The following ITSN1 variants were observed in gnomAD, a reference collection of about 807,000 sequenced individuals.
The protein encoded by ITSN1 is intersectin-1.
ITSN1 carries 58 observed loss-of-function variants against 239.8 expected under a neutral mutation model. The observed-to-expected ratio is 0.24, with a 90% CI of 0.20 to 0.30. The LOEUF (loss-of-function observed/expected upper bound fraction) is 0.30, where lower values mean the gene tolerates loss of function less well. Ranked by LOEUF, ITSN1 falls within the 10% of genes least tolerant of loss-of-function variation. The pLI is 1.00. For synonymous variants in ITSN1, 780 were observed against 770.8 expected, an observed-to-expected ratio of 1.01 and a Z score of -0.20; for missense variants, 1,558 against 2,103.3, an observed-to-expected ratio of 0.74 and a Z score of 5.07.
intron 39 of ITSN1, among the ~76,000 whole-genome samples, chr21:33,887,765 T>C (rs925713697): frequency 1.3e-5 from 2 of 151,920 alleles, no homozygotes; most frequent in African/African-American, 2.4e-5. Flanking sequence ...ACCACCATGC[T>C]AGGCTAATTT....
intron 25 of ITSN1, 43 bp downstream of exon 25, chr21:33,823,696 A>T: frequency 6.4e-7 from 1 of 1,570,364 alleles, no homozygotes; most frequent in Non-Finnish European, 8.7e-7. Flanking sequence ...CTGTGCGGTG[A>T]TTCTCTTTGT....
chr21:33,642,888 C>A (rs559535098), intron 1 of ITSN1, among the ~76,000 whole-genome samples, 175 bp downstream of exon 1: 1 of 151,424 alleles, frequency 6.6e-6, no homozygotes, highest in Non-Finnish European at 1.5e-5. Context: ...AGCGGCTGCC[C>A]CTCTGCCTTG....
At chr21:33,828,227 G>A (rs1387421164) in intron 26 of ITSN1, among the ~76,000 whole-genome samples, 1 of 152,262 alleles carries the variant, frequency 6.6e-6, no homozygotes, top group Non-Finnish European at 1.5e-5. Context: ...AGAACATCCA[G>A]TGCCAAATAG....
chr21:33,734,997 T>C (rs762496973), intron 4 of ITSN1, 47 bp from the exon 5 acceptor site: 1 of 1,543,952 alleles, frequency 6.5e-7, no homozygotes, highest in Non-Finnish European at 8.7e-7. Context: ...TTTGGAAAGG[T>C]TCTTTTATGG....
At chr21:33,718,210 G>C (rs897276297) in intron 1 of ITSN1, among the ~76,000 whole-genome samples, 7 of 152,160 alleles carry the variant, frequency 4.6e-5, no homozygotes, top group Admixed American at 3.9e-4. Context: ...AAATTACCTA[G>C]TATAATGTGT....
intron 8 of ITSN1, among the ~76,000 whole-genome samples, chr21:33,756,327 A>G (rs2067914209): frequency 6.6e-6 from 1 of 151,588 alleles, no homozygotes; most frequent in African/African-American, 2.4e-5. Flanking sequence ...AAAGAAAAGC[A>G]TAACTTTAAT....
intron 37 of ITSN1, 83 bp downstream of exon 37, chr21:33,885,206 A>G (rs755078668): frequency 3.4e-5 from 42 of 1,233,426 alleles, no homozygotes; most frequent in Non-Finnish European, 4.7e-5. Context: ...CTCAGAATAG[A>G]AGAATCCCCT....
chr21:33,893,777 T>G lies in ITSN1; in HGVS notation c.*5477T>G, dbSNP rs946027782. ...GAATTCCTGTTTCCTCAGCCTGCAC[T>G]GTATCAGATCCAGGATATGTCTGCA... On this transcript the variant is annotated 3_prime_UTR_variant, in exon 40 of 40. Coordinates refer to ENST00000381318, the MANE Select transcript of ITSN1 (RefSeq NM_003024.3). 3 of 152,184 alleles carry G rather than the reference T, an allele frequency of 2.0e-5. No individual in the cohort carries two copies. The highest frequency in any genetic ancestry group is 6.5e-5 in the Admixed American group (1 of 15,272). The allele number at this position is 152,184 out of a possible 1,614,324, so 9.4% of individuals were successfully genotyped here. A position where few individuals can be genotyped will look rare whatever the true frequency, so the allele number is the denominator to read the frequency against.
At position 33,750,298 on chromosome 21, in the gene ITSN1, C is replaced by T. The variant is rs750145035; in HGVS notation, c.502C>T (p.Pro168Ser). 4.3e-6 allele frequency: 7 copies of T among 1,613,262 alleles called. No individual in the cohort carries two copies. The South Asian group carries it at 6.6e-5, about 15-fold the overall frequency. ...TAACGGGGCTCCCCCTGTTATACAA[C>T]CTCTGCCTGCATTTGCTCATCCTGG... ...LANGAPPVIQ[P>S]LPAFAHPAAT... Residue 168 changes from proline to serine, a missense_variant, in exon 6 of 40, where the codon CCT (proline) becomes TCT (serine). Physicochemically the swap from Pro to Ser is moderately conservative, Grantham distance 74. Coordinates refer to ENST00000381318, the MANE Select transcript of ITSN1 (RefSeq NM_003024.3).
chr21:33,725,672 A>G (rs977707156), intron 4 of ITSN1, among the ~76,000 whole-genome samples: 7 of 152,208 alleles, frequency 4.6e-5, no homozygotes, highest in Non-Finnish European at 7.3e-5. Context: ...TATAATGACT[A>G]TGTATATTAA....
At position 33,856,751 on chromosome 21, in the gene ITSN1, A is replaced by G. The variant is rs527375628; in HGVS notation, c.3677A>G (p.His1226Arg). 6.2e-7 allele frequency: 1 copy of G among 1,614,042 alleles called. No homozygotes were observed. Among genetic ancestry groups the G allele is most frequent in the South Asian group, 1.1e-5 (1 of 91,082 alleles). ...DPSQQWCSDL[H>R]LLDMLTPTER... The stretch of plus-strand genomic sequence containing the variant: ...TGTTTTCCAGGGTGTTCAGACTTAC[A>G]TCTCTTGGATATGTTGACCCCAACT... Residue 1226 changes from histidine (H) to arginine (R), a missense_variant, in exon 30 of 40, where the codon CAT becomes CGT. Transcript: ENST00000381318.
intron 33 of ITSN1, among the ~76,000 whole-genome samples, chr21:33,872,466 T>C (rs13339976): frequency 0.37 from 56,633 of 152,152 alleles, 11,180 homozygotes; most frequent in East Asian, 0.51. Flanking sequence ...AAGCAATGTA[T>C]GAAATAGTAC....
chr21:33,676,384 A>C (rs1022842293), intron 1 of ITSN1, among the ~76,000 whole-genome samples: 1 of 150,868 alleles, frequency 6.6e-6, no homozygotes, highest in Non-Finnish European at 1.5e-5. Flanking sequence ...CTTCTACAAC[A>C]CTTTCTCTTT....
rs1269861454 is a variant in ITSN1 at position 33,712,567 on chromosome 21, C to CT, written c.-32-6227dup. Among the ~76,000 whole-genome samples, 3 of 152,228 alleles carry CT rather than the reference C, an allele frequency of 2.0e-5. 1 individual carries two copies. ...TCTTTCCTCTCTGGTTTTCCCCACA[C>CT]TTTACAGCCCACAGGTGCCTTTTTC... is the stretch of plus-strand genomic sequence containing the variant. On this transcript the variant is annotated intron_variant, in intron 1 of 39. Transcript: ENST00000381318.
intron 8 of ITSN1, among the ~76,000 whole-genome samples, chr21:33,757,954 G>A (rs2068037463): frequency 6.6e-6 from 1 of 152,058 alleles, no homozygotes; most frequent in Non-Finnish European, 1.5e-5. Flanking sequence ...GTAGCTCACT[G>A]CAGCCTTGAA....
chr21:33,732,718 T>C (rs2066264493), intron 4 of ITSN1, among the ~76,000 whole-genome samples: 2 of 152,156 alleles, frequency 1.3e-5, no homozygotes, highest in South Asian at 4.1e-4. Context: ...TAAGAACTTG[T>C]AGGAGTCTGG....
intron 39 of ITSN1, among the ~76,000 whole-genome samples, chr21:33,887,607 T>TA (rs398121619): frequency 1.3e-5 from 2 of 151,742 alleles, no homozygotes; most frequent in Non-Finnish European, 2.9e-5. Flanking sequence ...TTATTTTTTT[T>TA]ATTTATTTAT....
At chr21:33,770,500 C>A (rs80022312) in intron 11 of ITSN1, among the ~76,000 whole-genome samples, 1 of 152,138 alleles carries the variant, frequency 6.6e-6, no homozygotes, top group Non-Finnish European at 1.5e-5. Context: ...ATTCACAGTG[C>A]CTTGCAGCCA....
chr21:33,848,914 C>T (rs2075069233), intron 29 of ITSN1, among the ~76,000 whole-genome samples: 1 of 152,240 alleles, frequency 6.6e-6, no homozygotes. Context: ...TTTTCAAATC[C>T]TTCTCATCAA....
Sources: gnomAD v4.1 joint callset for allele counts (sites outside exome capture counted in the v4.1 genomes callset) on GRCh38, gnomAD v4.1.1 for gene constraint, MANE v1.5 for transcripts, NCBI Gene and HGNC (gene_info 2026-07-23, HGNC 2026-07-21) for gene names.